GEN1: variants seen among roughly 807,000 people sequenced by gnomAD.
The protein encoded by GEN1 is GEN1 structure-specific endonuclease.
A neutral mutation model predicts 67.6 loss-of-function variants in GEN1; 64 were observed. The observed-to-expected ratio is 0.95, with a 90% CI of 0.77 to 1.17. GEN1 has a LOEUF of 1.17. Ranked by LOEUF, GEN1 falls within the 50% of genes most tolerant of loss-of-function variation. GEN1 has a pLI of 0.00. For missense variants in GEN1, 1,058 were observed against 1,048.3 expected (o/e 1.01, Z -0.13); for synonymous variants, 371 against 359.4 (o/e 1.03, Z -0.37).
intron 5 of GEN1, among the ~76,000 whole-genome samples, 185 bp from the exon 6 acceptor site, chr2:17,768,553 C>G (rs1331336090): frequency 6.6e-6 from 1 of 152,158 alleles, no homozygotes; most frequent in Non-Finnish European, 1.5e-5. Flanking sequence ...TTTACAAATC[C>G]TGATCATATA....
In GEN1 at chr2:17,780,983, G is replaced by T. The variant is rs373974766; in HGVS notation, c.1771G>T (p.Glu591Ter). ...ADLHLSTIDW[E>*]GTSFSNSPAI... ...TCTACACTTGAGCACTATTGACTGG[G>T]AAGGTACTTCTTTTAGTAATTCTCC... is the stretch of plus-strand genomic sequence containing the variant. Residue 591 changes from glutamate (E) to a stop codon, truncating the protein, a stop_gained, in exon 14 of 14, where the codon GAA becomes TAA. Coordinates refer to ENST00000381254, the MANE Select transcript of GEN1 (RefSeq NM_001130009.3). LOFTEE classifies it low-confidence loss of function (END_TRUNC). 1.2e-5 allele frequency: 20 copies of T among 1,613,200 alleles called. No individual in the cohort carries two copies. The African/African-American group carries it at 2.7e-4, about 22-fold the overall frequency.
intron 12 of GEN1, among the ~76,000 whole-genome samples, 166 bp from the exon 13 acceptor site, chr2:17,779,812 G>A (rs910778573): frequency 1.3e-5 from 2 of 152,072 alleles, no homozygotes; most frequent in Admixed American, 6.5e-5. Flanking sequence ...ATGTTGATCG[G>A]GCTGGTCTGG....
rs1394586763 is a variant in GEN1 at position 17,784,035 on chromosome 2, A to G, written c.*2096A>G. On this transcript the variant is annotated 3_prime_UTR_variant, in exon 14 of 14. Transcript: ENST00000381254. ...AAAAACTGTTGTTTGAAATGACACC[A>G]TCAAGAAAGTGAAAAGACAGCTTAC... 1 of 152,248 alleles carries G rather than the reference A, an allele frequency of 6.6e-6. No individual in the cohort carries two copies. The highest frequency in any genetic ancestry group is 1.5e-5 in the Non-Finnish European group (1 of 68,044). The allele number at this position is 152,248 out of a possible 1,614,324, so 9.4% of individuals were successfully genotyped here.
rs566535718 is a variant in GEN1, at chr2:17,784,460, G to C, written c.*2521G>C. The stretch of plus-strand genomic sequence containing the variant: ...TATGATCCAGCAATTCCTCTCCCAG[G>C]TATATACCCAAGATAAATGAAAACT... On this transcript the variant is annotated 3_prime_UTR_variant, in exon 14 of 14. Transcript: ENST00000381254. 3.3e-5 allele frequency: 5 copies of C among 152,230 alleles called. No individual in the cohort carries two copies. In the South Asian group the frequency reaches 1.0e-3, roughly 32 times the overall value. The allele number at this position is 152,230 out of a possible 1,614,324, so 9.4% of individuals were successfully genotyped here. A position where few individuals can be genotyped will look rare whatever the true frequency, so the allele number is the denominator to read the frequency against.
At chr2:17,757,476 A>G (rs1474786845) in intron 1 of GEN1, among the ~76,000 whole-genome samples, 2 of 152,132 alleles carry the variant, frequency 1.3e-5, no homozygotes, top group East Asian at 1.9e-4. Flanking sequence ...CATCATAAAC[A>G]TCACTGCACT....
At chr2:17,776,852 G>A (rs1029387423) in intron 11 of GEN1, among the ~76,000 whole-genome samples, 4 of 152,166 alleles carry the variant, frequency 2.6e-5, no homozygotes, top group African/African-American at 7.2e-5. Context: ...AAAGGGCTGG[G>A]CGTGGTGGTT....
At position 17,768,786 on chromosome 2, in the gene GEN1, T is replaced by C. The variant is rs1213571008; in HGVS notation, c.685T>C (p.Leu229=). ...KEQALKLIQI[L]KGQSLLQRFN... ...GCAAGCATTAAAACTTATACAGATT[T>C]TGAAAGGGCAAAGTTTACTTCAGAG... Residue 229 remains leucine (L), a synonymous_variant, in exon 6 of 14, where the codon TTG becomes CTG. Coordinates refer to ENST00000381254, the MANE Select transcript of GEN1 (RefSeq NM_001130009.3). 4 of 1,610,514 alleles carry C rather than the reference T, an allele frequency of 2.5e-6. No homozygotes were observed. Among genetic ancestry groups the C allele is most frequent in the East Asian group, 2.2e-5 (1 of 44,730 alleles).
In GEN1 at chr2:17,761,463, G is replaced by A; in HGVS notation, c.229G>A (p.Glu77Lys). Reference protein sequence around the residue: ...DVKLVFVMEGEPPKLKADVIS... With the variant: ...DVKLVFVMEGKPPKLKADVIS... ...AAAACTGGTATTTGTTATGGAAGGG[G>A]AACCACCAAAGCTGAAAGCTGATGT... The change falls in exon 3 of 14, where the codon GAA (glutamate) becomes AAA (lysine). Residue 77 changes from glutamate (E) to lysine (K), a missense_variant. Transcript: ENST00000381254. The A allele has an allele frequency of 3.7e-6, 6 of 1,612,754 alleles. No individual in the cohort carries two copies. Among genetic ancestry groups the A allele is most frequent in the Non-Finnish European group, 5.1e-6 (6 of 1,178,826 alleles).
chr2:17,754,587 G>A (rs1415361899), intron 1 of GEN1: 1 of 152,232 alleles, frequency 6.6e-6, no homozygotes, highest in African/African-American at 2.4e-5. Flanking sequence ...CCGGCCGCTT[G>A]CGCTTGGCCG....
chr2:17,781,283 C>G lies in GEN1; in HGVS notation c.2071C>G (p.Pro691Ala), dbSNP rs772341686. The G allele has an allele frequency of 6.2e-7, 1 of 1,613,612 alleles. No individual in the cohort carries two copies. Among genetic ancestry groups the G allele is most frequent in the Non-Finnish European group, 8.5e-7 (1 of 1,179,622 alleles). Residue 691 changes from proline (P) to alanine (A), a missense_variant, in exon 14 of 14, where the codon CCA (proline) becomes GCA (alanine). Transcript: ENST00000381254. ...KLSYPQDNLQ[P>A]DVNLKTLSIL... ...ATCATATCCTCAGGATAATCTACAACCAGATGTCAACCTGAAAACTTTGTC... is the reference window on the plus strand; with the variant it reads ...ATCATATCCTCAGGATAATCTACAAGCAGATGTCAACCTGAAAACTTTGTC...
At position 17,784,433 on chromosome 2, in the gene GEN1, G is replaced by A. The variant is rs777095609; in HGVS notation, c.*2494G>A. ...TTCAAATGGTTAAATGTAGAGTTAC[G>A]ATATGATCCAGCAATTCCTCTCCCA... On this transcript the variant is annotated 3_prime_UTR_variant, in exon 14 of 14. Coordinates refer to ENST00000381254, the MANE Select transcript of GEN1 (RefSeq NM_001130009.3). 4 of 152,128 alleles carry A rather than the reference G, an allele frequency of 2.6e-5. No homozygotes were observed. Among genetic ancestry groups the A allele is most frequent in the South Asian group, 2.1e-4 (1 of 4,824 alleles). The allele number at this position is 152,128 out of a possible 1,614,324, so 9.4% of individuals were successfully genotyped here.
chr2:17,781,563 A>T lies in GEN1; in HGVS notation c.2351A>T (p.Gln784Leu). The T allele has an allele frequency of 6.2e-7, 1 of 1,613,956 alleles. No individual in the cohort carries two copies. Among genetic ancestry groups the T allele is most frequent in the Non-Finnish European group, 8.5e-7 (1 of 1,179,954 alleles). Residue 784 changes from glutamine to leucine, a missense_variant, in exon 14 of 14, where the codon CAA becomes CTA. Gln to Leu is a moderately radical substitution (Grantham distance 113). Coordinates refer to ENST00000381254, the MANE Select transcript of GEN1 (RefSeq NM_001130009.3). ...ALDHSRKVDM[Q>L]TTRKILMKKS... Reference sequence around the variant, plus strand: ...GATCATAGTAGAAAAGTTGATATGCAAACCACTCGGAAAATTTTAATGAAG... The same window carrying T: ...GATCATAGTAGAAAAGTTGATATGCTAACCACTCGGAAAATTTTAATGAAG...
rs1048285694 is a variant in GEN1, at chr2:17,787,464, T to G, written c.*5525T>G. On this transcript the variant is annotated 3_prime_UTR_variant, in exon 14 of 14. Coordinates refer to ENST00000381254, the MANE Select transcript of GEN1 (RefSeq NM_001130009.3). ...CGTGGTCTTCTCTAAGAAAGTCTTC[T>G]GTTGCTTCTCTGGATCGCTGCTAGT... 5 of 152,252 alleles carry G rather than the reference T, an allele frequency of 3.3e-5. No individual in the cohort carries two copies. Among genetic ancestry groups the G allele is most frequent in the African/African-American group, 1.2e-4 (5 of 41,464 alleles). The allele number at this position is 152,252 out of a possible 1,614,324, so 9.4% of individuals were successfully genotyped here. A position where few individuals can be genotyped will look rare whatever the true frequency, so the allele number is the denominator to read the frequency against.
At position 17,781,130 on chromosome 2, in the gene GEN1, A is replaced by C. The variant is rs778396849; in HGVS notation, c.1918A>C (p.Thr640Pro). The change falls in exon 14 of 14, where the codon ACT (threonine) becomes CCT (proline). Residue 640 changes from threonine (T) to proline (P), a missense_variant. Coordinates refer to ENST00000381254, the MANE Select transcript of GEN1 (RefSeq NM_001130009.3). ...EQLSCESERY[T>P]ANIKKVLDED... ...ACTGTCCTGTGAATCAGAAAGGTACACTGCAAACATAAAGAAAGTGTTGGA... is the reference window on the plus strand; with the variant it reads ...ACTGTCCTGTGAATCAGAAAGGTACCCTGCAAACATAAAGAAAGTGTTGGA... The C allele has an allele frequency of 5.6e-6, 9 of 1,613,960 alleles. No homozygotes were observed. The highest frequency in any genetic ancestry group is 3.3e-5 in the Admixed American group (2 of 60,012).
At chr2:17,770,975 ACT>A in intron 6 of GEN1, 1 of 585,912 alleles carries the variant, frequency 1.7e-6, no homozygotes, top group South Asian at 1.6e-5. Context: ...ACACACATAT[ACT>A]CTCTCTCCTG....
intron 2 of GEN1, among the ~76,000 whole-genome samples, chr2:17,760,411 C>T (rs748719837): frequency 3.3e-5 from 5 of 152,036 alleles, no homozygotes; most frequent in Admixed American, 6.6e-5. Context: ...ACATCTAATC[C>T]GTCAGTAAGT....
intron 11 of GEN1, among the ~76,000 whole-genome samples, chr2:17,775,276 G>A (rs1004869819): frequency 2.0e-5 from 3 of 152,056 alleles, no homozygotes; most frequent in South Asian, 2.1e-4. Flanking sequence ...GAAATAAAAA[G>A]CAATCAAGGG....
At chr2:17,771,420 A>G in intron 7 of GEN1, 133 bp downstream of exon 7, 2 of 623,102 alleles carry the variant, frequency 3.2e-6, no homozygotes, top group Non-Finnish European at 5.7e-6. Flanking sequence ...TAGATTAGGA[A>G]TTCCTTGCAG....
intron 7 of GEN1, among the ~76,000 whole-genome samples, chr2:17,772,139 C>G (rs1414128014): frequency 1.3e-5 from 2 of 152,030 alleles, no homozygotes; most frequent in East Asian, 3.8e-4. Flanking sequence ...ATCATTTGTT[C>G]ATGTTCCAAG....
Sources: gnomAD v4.1 joint callset for allele counts (sites outside exome capture counted in the v4.1 genomes callset) on GRCh38, gnomAD v4.1.1 for gene constraint, MANE v1.5 for transcripts, NCBI Gene and HGNC (gene_info 2026-07-23, HGNC 2026-07-21) for gene names.